RYR2: variants seen among roughly 807,000 people sequenced by gnomAD.
RYR2 encodes the protein ryanodine receptor 2.
In RYR2, 227 loss-of-function variants were observed where a neutral mutation model predicts 601.1. That is an observed-to-expected ratio of 0.38 (90% CI 0.34 to 0.42). RYR2 has a LOEUF of 0.42. Ranked by LOEUF, RYR2 falls within the 10% of genes least tolerant of loss-of-function variation. RYR2 has a pLI of 1.00. For synonymous variants in RYR2, 2,223 were observed against 2,175.1 expected (o/e 1.02, Z -0.61); for missense variants, 4,646 against 6,156.5 (o/e 0.75, Z 8.21).
intron 1 of RYR2, among the ~76,000 whole-genome samples, chr1:237,192,566 C>A (rs1249605188): frequency 1.3e-5 from 2 of 152,200 alleles, no homozygotes; most frequent in Non-Finnish European, 1.5e-5. Context: ...ATTCCAAATT[C>A]TGTGATCTCA....
intron 25 of RYR2, among the ~76,000 whole-genome samples, chr1:237,532,320 G>T (rs534548487): frequency 1.3e-5 from 2 of 152,000 alleles, no homozygotes; most frequent in Non-Finnish European, 1.5e-5. Context: ...TGCATTCTTC[G>T]TTCACATAAA....
Position 237,623,820 on chromosome 1 carries a change from A to G in RYR2, c.5972A>G (p.Glu1991Gly), listed in dbSNP as rs376273633. Reference protein sequence around the residue: ...DDKSECPCPEEIRDQLLDFHE... With the variant: ...DDKSECPCPEGIRDQLLDFHE... ...AAAAGTGAATGTCCATGTCCAGAAG[A>G]AATTCGTGACCAACTATTGGATTTC... is the stretch of plus-strand genomic sequence containing the variant. Residue 1991 changes from glutamate (E) to glycine (G), a missense_variant, in exon 39 of 105, where the codon GAA becomes GGA. By Grantham distance (98) the Glu-to-Gly change is moderately conservative. This residue lies in a region of RYR2 where 170 missense variants were observed against 184.5 expected (regional missense o/e 0.92). Coordinates refer to ENST00000366574, the MANE Select transcript of RYR2 (RefSeq NM_001035.3). The G allele has an allele frequency of 1.9e-6, 3 of 1,613,534 alleles. No homozygotes were observed. The highest frequency in any genetic ancestry group is 2.5e-6 in the Non-Finnish European group (3 of 1,179,620).
intron 1 of RYR2, among the ~76,000 whole-genome samples, chr1:237,130,509 C>T (rs141423341): frequency 0.011 from 1,621 of 152,092 alleles, 17 homozygotes; most frequent in South Asian, 0.032. Context: ...GTCAGGAGTT[C>T]GAGACCAGCC....
chr1:237,479,070 C>T (rs1335171827), intron 17 of RYR2, among the ~76,000 whole-genome samples: 1 of 152,190 alleles, frequency 6.6e-6, no homozygotes, highest in Admixed American at 6.5e-5. Flanking sequence ...TCTTGAGTTA[C>T]ATTGGGTGAT....
intron 40 of RYR2, 121 bp from the exon 41 acceptor site, chr1:237,627,686 C>G (rs1679823085): frequency 2.0e-6 from 2 of 1,010,016 alleles, no homozygotes; most frequent in Non-Finnish European, 2.8e-6. Flanking sequence ...TATCTAGAGC[C>G]TTTTCAAGCC....
intron 8 of RYR2, among the ~76,000 whole-genome samples, chr1:237,378,699 G>T (rs1181108700): frequency 6.6e-6 from 1 of 152,170 alleles, no homozygotes; most frequent in African/African-American, 2.4e-5. Context: ...TACCCCCTTT[G>T]TTCTATAAAC....
intron 24 of RYR2, among the ~76,000 whole-genome samples, chr1:237,521,435 G>C (rs1294416695): frequency 6.6e-6 from 1 of 152,098 alleles, no homozygotes; most frequent in Admixed American, 6.5e-5. Context: ...GCCAGGCACG[G>C]TGGGTCACCT....
intron 78 of RYR2, 36 bp from the exon 79 acceptor site, chr1:237,733,669 G>A (rs375455529): frequency 5.1e-5 from 76 of 1,493,840 alleles, no homozygotes; most frequent in Non-Finnish European, 7.0e-5. Context: ...CTAGCCTTCT[G>A]CTTAAACACT....
Position 237,819,478 on chromosome 1 carries a change from G to C in RYR2, c.14590+286G>C, listed in dbSNP as rs1662193502. On this transcript the variant is annotated intron_variant, in intron 101 of 104. Coordinates refer to ENST00000366574, the MANE Select transcript of RYR2 (RefSeq NM_001035.3). The surrounding 1 kb of genome is among the most constrained non-coding windows in gnomAD (Gnocchi z 4.0). ...TCTCACCTCTGGGTTTCAGACTCAT[G>C]AACCCCAGCTTTACAATCTTGGGTG... Among the ~76,000 whole-genome samples, 1 of 152,162 alleles carries C rather than the reference G, an allele frequency of 6.6e-6. No homozygotes were observed. Among genetic ancestry groups the C allele is most frequent in the Non-Finnish European group, 1.5e-5 (1 of 68,040 alleles).
intron 1 of RYR2, among the ~76,000 whole-genome samples, chr1:237,178,816 A>T (rs1458602341): frequency 6.6e-6 from 1 of 152,162 alleles, no homozygotes; most frequent in African/African-American, 2.4e-5. Context: ...AAAAAAGAAT[A>T]AAGTGTCAAA....
chr1:237,218,276 T>A (rs1683402763), intron 1 of RYR2, among the ~76,000 whole-genome samples: 1 of 152,196 alleles, frequency 6.6e-6, no homozygotes, highest in Admixed American at 6.5e-5. Context: ...AAACCACTCA[T>A]ATATCTCGAT....
At chr1:237,064,929 C>T (rs1663363507) in intron 1 of RYR2, among the ~76,000 whole-genome samples, 1 of 152,166 alleles carries the variant, frequency 6.6e-6, no homozygotes, top group South Asian at 2.1e-4. Flanking sequence ...AAGTTTAGTT[C>T]AGTACCAGCG....
intron 1 of RYR2, among the ~76,000 whole-genome samples, chr1:237,192,953 C>T (rs1478458734): frequency 2.0e-5 from 3 of 151,908 alleles, no homozygotes; most frequent in African/African-American, 7.3e-5. Context: ...AGTATCCTTC[C>T]GAATCCCAAA....
intron 17 of RYR2, among the ~76,000 whole-genome samples, chr1:237,479,257 T>C (rs1190972595): frequency 1.3e-5 from 2 of 152,228 alleles, no homozygotes; most frequent in Non-Finnish European, 1.5e-5. Flanking sequence ...CATACTGATA[T>C]ATCTCACAAC....
intron 17 of RYR2, among the ~76,000 whole-genome samples, chr1:237,475,493 G>T (rs1405550967): frequency 6.6e-6 from 1 of 152,096 alleles, no homozygotes. Flanking sequence ...GGTGAGAAAT[G>T]ATCTGAGGCC....
chr1:237,148,533 T>TATATATATATACACAC (rs1674308970), intron 1 of RYR2, among the ~76,000 whole-genome samples: 15 of 116,742 alleles, frequency 1.3e-4, no homozygotes, highest in African/African-American at 6.0e-4. Flanking sequence ...AAAAAATATA[T>TATATATATATACACAC]ATATATATAT....
chr1:237,828,010 C>T (rs1381574178), intron 101 of RYR2, among the ~76,000 whole-genome samples: 2 of 143,080 alleles, frequency 1.4e-5, no homozygotes, highest in Non-Finnish European at 1.5e-5. Context: ...TGTTTCATTT[C>T]TACATTAGTA....
At position 237,355,982 on chromosome 1, in the gene RYR2, A is replaced by G. The variant is rs1014384843; in HGVS notation, c.291A>G (p.Lys97=). 3 of 1,606,958 alleles carry G rather than the reference A, an allele frequency of 1.9e-6. No individual in the cohort carries two copies. Among genetic ancestry groups the G allele is most frequent in the Non-Finnish European group, 1.7e-6 (2 of 1,176,154 alleles). ...TTCCACAGCAAGTTGATGTGGAAAA[A>G]TGGGTATGTGTTTCCATGTATTTGC... ...EKSEGQVDVE[K]WKFMMKTAQG... The change falls in exon 4 of 105, where the codon AAA becomes AAG. Residue 97 remains lysine, a synonymous_variant. Transcript: ENST00000366574.
At chr1:237,512,596 G>T (rs1318032180) in intron 24 of RYR2, among the ~76,000 whole-genome samples, 1 of 152,120 alleles carries the variant, frequency 6.6e-6, no homozygotes, top group Non-Finnish European at 1.5e-5. Context: ...AAGTCAGCTG[G>T]GCATAGTGAC....
Sources: allele counts gnomAD v4.1 joint callset (sites outside exome capture counted in the v4.1 genomes callset), GRCh38; gene constraint gnomAD v4.1.1; regional missense constraint gnomAD v4.1.1; non-coding constraint Gnocchi (gnomAD v3.1); transcripts MANE v1.5; gene names NCBI Gene and HGNC (gene_info 2026-07-23, HGNC 2026-07-21).